PEAR1: variants seen among roughly 807,000 people sequenced by gnomAD.
PEAR1 encodes multiple EGF-like domains protein 12.
A neutral mutation model predicts 131.2 loss-of-function variants in PEAR1; 113 were observed. The observed-to-expected ratio is 0.86, with a 90% CI of 0.74 to 1.01. The LOEUF is 1.01. PEAR1 is among the 50% of genes least tolerant of loss of function. PEAR1 has a pLI of 0.00. For synonymous variants in PEAR1, 565 were observed against 523.3 expected, an observed-to-expected ratio of 1.08 and a Z score of -1.09; for missense variants, 1,408 against 1,391.1, an observed-to-expected ratio of 1.01 and a Z score of -0.19.
rs1651345351 is a variant in PEAR1, at chr1:156,912,544, G to T, written c.2131G>T (p.Gly711Cys). 1 of 1,613,938 alleles carries T rather than the reference G, an allele frequency of 6.2e-7. No individual in the cohort carries two copies. The highest frequency in any genetic ancestry group is 1.7e-5 in the Admixed American group (1 of 60,006). ...TAACTGCTCCCAGCCATGCCAGTGT[G>T]GTCCTGGAGAAAAGTGCCACCCAGA... The part of the protein sequence containing the change: ...GANCSQPCQC[G>C]PGEKCHPETG... Residue 711 changes from glycine to cysteine, a missense_variant, in exon 17 of 23, where the codon GGT becomes TGT. Gly to Cys is a radical substitution (Grantham distance 159). Coordinates refer to ENST00000292357, the MANE Select transcript of PEAR1 (RefSeq NM_001080471.3).
intron 6 of PEAR1, 35 bp downstream of exon 6, chr1:156,906,915 C>A (rs373344116): frequency 1.3e-6 from 2 of 1,599,466 alleles, no homozygotes; most frequent in African/African-American, 1.3e-5. Context: ...TTAACAAGAT[C>A]GCAGACACAA....
At chr1:156,910,407 C>A (rs202033154) in intron 14 of PEAR1, 27 bp downstream of exon 14, 2 of 1,564,768 alleles carry the variant, frequency 1.3e-6, no homozygotes, top group Admixed American at 1.8e-5. Flanking sequence ...CCCCTTCCAC[C>A]TGCCACCAGC....
rs1484168550 is a variant in PEAR1 at position 156,906,361 on chromosome 1, T to C, written c.393T>C (p.Cys131=). The change falls in exon 5 of 23, where the codon TGT becomes TGC. Residue 131 remains cysteine (C), a synonymous_variant. Coordinates refer to ENST00000292357, the MANE Select transcript of PEAR1 (RefSeq NM_001080471.3). ...QCVPGWRGDD[C]SSECAPGMWG... is the part of the protein sequence containing the mutation. ...TGCCAGGCTGGCGGGGCGACGACTG[T>C]TCCAGTGGTGAGTGGCTACTGACCC... is the stretch of plus-strand genomic sequence containing the variant. The C allele has an allele frequency of 1.2e-6, 2 of 1,614,164 alleles. No individual in the cohort carries two copies. The highest frequency in any genetic ancestry group is 1.7e-5 in the Admixed American group (1 of 60,020).
Position 156,913,858 on chromosome 1 carries a change from T to C in PEAR1, c.2720T>C (p.Ile907Thr), listed in dbSNP as rs746220726. Residue 907 changes from isoleucine (I) to threonine (T), a missense_variant, in exon 22 of 23, where the codon ATC becomes ACC. Physicochemically the swap from Ile to Thr is moderately conservative, Grantham distance 89. Transcript: ENST00000292357. ...GPGPFYNKGLISEEELGASVA... is the reference protein window; with the variant it reads ...GPGPFYNKGLTSEEELGASVA... ...TTCTTTCCTCTATCCTTAGGGCTCA[T>C]CTCTGAAGAGGAGCTCGGGGCCAGT... is the stretch of plus-strand genomic sequence containing the variant. The C allele has an allele frequency of 2.0e-5, 32 of 1,613,100 alleles. 1 individual carries two copies. The South Asian group carries it at 3.4e-4, about 17-fold the overall frequency.
intron 1 of PEAR1, among the ~76,000 whole-genome samples, chr1:156,899,087 C>T (rs1308442950): frequency 1.3e-5 from 2 of 152,234 alleles, no homozygotes; most frequent in African/African-American, 4.8e-5. Flanking sequence ...AGAATGGTCA[C>T]TGGAACCAGC....
intron 16 of PEAR1, 55 bp from the exon 17 acceptor site, chr1:156,912,439 A>G (rs1651326888): frequency 3.1e-6 from 5 of 1,603,614 alleles, no homozygotes; most frequent in East Asian, 2.2e-5. Flanking sequence ...AAAAAAGGAG[A>G]CTAGAGTTTC....
chr1:156,899,681 G>A (rs554342833), intron 1 of PEAR1, among the ~76,000 whole-genome samples: 1 of 152,264 alleles, frequency 6.6e-6, no homozygotes, highest in South Asian at 2.1e-4. Flanking sequence ...AGCATATTAG[G>A]TACTGGGTCT....
Position 156,906,619 on chromosome 1 carries a change from C to A in PEAR1, c.401-18C>A. ...ACTAGACCCCTGGTGACCCCCTTCC[C>A]GCCTCCTTATCCCACAGAGTGTGCC... On this transcript the variant is annotated intron_variant, in intron 5 of 22. Transcript: ENST00000292357. The A allele has an allele frequency of 6.2e-7, 1 of 1,613,894 alleles. No homozygotes were observed. Among genetic ancestry groups the A allele is most frequent in the Non-Finnish European group, 8.5e-7 (1 of 1,179,940 alleles).
chr1:156,902,141 C>T lies in PEAR1; in HGVS notation c.-9-1777C>T, dbSNP rs1321010866. 1 of 152,388 alleles carries T rather than the reference C, an allele frequency of 6.6e-6. No individual in the cohort carries two copies. Among genetic ancestry groups the T allele is most frequent in the Non-Finnish European group, 1.5e-5 (1 of 68,190 alleles). The allele number at this position is 152,388 out of a possible 1,614,324, so 9.4% of individuals were successfully genotyped here. A position where few individuals can be genotyped will look rare whatever the true frequency, so the allele number is the denominator to read the frequency against. On this transcript the variant is annotated intron_variant, in intron 1 of 22. Coordinates refer to ENST00000292357, the MANE Select transcript of PEAR1 (RefSeq NM_001080471.3). The surrounding 1 kb of genome is among the most constrained non-coding windows in gnomAD (Gnocchi z 4.3). Reference sequence around the variant, plus strand: ...GGAGGATGGAGCCACCCCCGTCACGCTCCCTGCTGTCCCCCTTCCTAGCCA... The same window carrying T: ...GGAGGATGGAGCCACCCCCGTCACGTTCCCTGCTGTCCCCCTTCCTAGCCA...
chr1:156,900,222 T>C (rs1649548056), intron 1 of PEAR1, among the ~76,000 whole-genome samples: 1 of 152,072 alleles, frequency 6.6e-6, no homozygotes, highest in South Asian at 2.1e-4. Flanking sequence ...CCGATTTGCA[T>C]CTCGAGGTGG....
Position 156,905,325 on chromosome 1 carries a change from G to T in PEAR1, c.208G>T (p.Val70Phe), listed in dbSNP as rs1288697750. ...GGGCCGCCTTCCTGGCCTCCGCAGG[G>T]TTGTATACCGGACCGTGTACCGTCA... ...EGPHTCPQPT[V>F]VYRTVYRQVV... The change falls in exon 4 of 23, where the codon GTT (valine) becomes TTT (phenylalanine). Residue 70 changes from valine (V) to phenylalanine (F), a missense_variant and splice_region_variant. Transcript: ENST00000292357. The T allele has an allele frequency of 6.2e-7, 1 of 1,611,474 alleles. No individual in the cohort carries two copies. The highest frequency in any genetic ancestry group is 8.5e-7 in the Non-Finnish European group (1 of 1,179,640).
chr1:156,914,685 G>A lies in PEAR1; in HGVS notation c.3001G>A (p.Gly1001Ser), dbSNP rs764515952. 12 of 1,613,544 alleles carry A rather than the reference G, an allele frequency of 7.4e-6. No individual in the cohort carries two copies. Among genetic ancestry groups the A allele is most frequent in the Non-Finnish European group, 1.0e-5 (12 of 1,179,716 alleles). ...SVGSQPPLPP[G>S]LPPGHYDSPK... ...GGGCTCCCAGCCCCCTCTGCCTCCG[G>A]GCCTACCCCCCGGCCACTATGACTC... The change falls in exon 23 of 23, where the codon GGC (glycine) becomes AGC (serine). Residue 1001 changes from glycine (G) to serine (S), a missense_variant. Physicochemically the swap from Gly to Ser is moderately conservative, Grantham distance 56. Transcript: ENST00000292357.
chr1:156,910,818 C>A, intron 15 of PEAR1, 75 bp downstream of exon 15: 2 of 1,584,580 alleles, frequency 1.3e-6, no homozygotes, highest in Non-Finnish European at 1.7e-6. Flanking sequence ...TCTCTGTCCC[C>A]CAGCTCCTGG....
chr1:156,912,056 G>A (rs1217506578), intron 15 of PEAR1, among the ~76,000 whole-genome samples, 191 bp from the exon 16 acceptor site: 1 of 152,202 alleles, frequency 6.6e-6, no homozygotes, highest in African/African-American at 2.4e-5. Context: ...GGACACGTGG[G>A]TCTGGAGTTT....
chr1:156,897,161 G>GT (rs1414665988), intron 1 of PEAR1, among the ~76,000 whole-genome samples: 3 of 152,206 alleles, frequency 2.0e-5, no homozygotes, highest in African/African-American at 7.2e-5. Flanking sequence ...CATCCTGGGT[G>GT]TAAGTGCTGG....
At position 156,907,979 on chromosome 1, in the gene PEAR1, G is replaced by T; in HGVS notation, c.830G>T (p.Arg277Leu). Residue 277 changes from arginine (R) to leucine (L), a missense_variant, in exon 8 of 23, where the codon CGC becomes CTC. Transcript: ENST00000292357. ...GGACCCAACTGCTCCCAGGAATGTC[G>T]CTGCCACAACGGCGGCCTCTGTGAC... Reference protein sequence around the residue: ...FHGPNCSQECRCHNGGLCDRF... With the variant: ...FHGPNCSQECLCHNGGLCDRF... The T allele has an allele frequency of 6.3e-7, 1 of 1,578,066 alleles. No individual in the cohort carries two copies. Among genetic ancestry groups the T allele is most frequent in the Non-Finnish European group, 8.6e-7 (1 of 1,161,052 alleles).
chr1:156,898,228 G>T (rs1649350643), intron 1 of PEAR1, among the ~76,000 whole-genome samples: 2 of 152,138 alleles, frequency 1.3e-5, no homozygotes, highest in Non-Finnish European at 2.9e-5. Context: ...AACACCCTCT[G>T]GGAGGGGTGC....
chr1:156,905,727 TG>T (rs1403017684), intron 4 of PEAR1, among the ~76,000 whole-genome samples: 12 of 152,156 alleles, frequency 7.9e-5, no homozygotes, highest in Admixed American at 7.9e-4. Context: ...GTCTTTGGGC[TG>T]TCTCTGTCTC....
chr1:156,904,911 G>A (rs768995053), intron 3 of PEAR1, 59 bp downstream of exon 3: 1 of 1,607,756 alleles, frequency 6.2e-7, no homozygotes, highest in Non-Finnish European at 8.5e-7. Context: ...CCTCAGCCTG[G>A]CCCCTGGCCC....
Sources: allele counts gnomAD v4.1 joint callset (sites outside exome capture counted in the v4.1 genomes callset), GRCh38; gene constraint gnomAD v4.1.1; non-coding constraint Gnocchi (gnomAD v3.1); transcripts MANE v1.5; gene names NCBI Gene and HGNC (gene_info 2026-07-23, HGNC 2026-07-21).